The following NELL1 variants were observed in gnomAD, a reference collection of about 807,000 sequenced individuals.
The protein encoded by NELL1 is protein kinase C-binding protein NELL1.
A neutral mutation model predicts 107.4 loss-of-function variants in NELL1; 76 were observed. The observed-to-expected ratio is 0.71, with a 90% CI of 0.59 to 0.86. The LOEUF is 0.86. Among genes scored for constraint, NELL1 ranks in the 40% least tolerant of loss-of-function variants. The pLI, the probability that NELL1 is intolerant of heterozygous loss-of-function variation, is 0.00. For synonymous variants in NELL1, 353 were observed against 341.2 expected (o/e 1.03, Z -0.38); for missense variants, 1,024 against 1,005.5 (o/e 1.02, Z -0.25).
chr11:21,032,046 AAATAATAAT>A (rs373787726), intron 12 of NELL1, among the ~76,000 whole-genome samples: 1,770 of 145,504 alleles, frequency 0.012, 24 homozygotes, highest in African/African-American at 0.039. Flanking sequence ...CTCCATGTCA[AAATAATAAT>A]AATAATAATA....
chr11:21,399,737 T>C (rs1852056739), intron 15 of NELL1, among the ~76,000 whole-genome samples: 1 of 151,780 alleles, frequency 6.6e-6, no homozygotes, highest in Admixed American at 6.6e-5. Flanking sequence ...TTAAGCAATC[T>C]AGCTGCAGAG....
In NELL1 at chr11:20,815,520, G is replaced by A. The variant is rs118130310; in HGVS notation, c.335+31690G>A. Among the ~76,000 whole-genome samples the A allele has an allele frequency of 4.1e-3, 618 of 152,240 alleles. 2 individuals carry two copies. Among genetic ancestry groups the A allele is most frequent in the Non-Finnish European group, 5.3e-3 (360 of 67,998 alleles). On this transcript the variant is annotated intron_variant, in intron 3 of 19. Coordinates refer to ENST00000357134, the MANE Select transcript of NELL1 (RefSeq NM_006157.5). ...TCTTAAATGGGGTTGTTTTTGGCTT[G>A]TTGATTTAAGTCCCTTGTAGATTGT...
chr11:21,340,631 A>T (rs1850542497), intron 14 of NELL1, among the ~76,000 whole-genome samples: 1 of 141,968 alleles, frequency 7.0e-6, no homozygotes, highest in African/African-American at 2.7e-5. Flanking sequence ...ACACACACAC[A>T]CACACACACA....
chr11:20,895,238 C>T (rs1197122984), intron 5 of NELL1, among the ~76,000 whole-genome samples: 1 of 103,880 alleles, frequency 9.6e-6, no homozygotes, highest in Non-Finnish European at 1.7e-5. Context: ...CGCCACTGCA[C>T]TCCAGCCTGG....
At chr11:21,133,887 C>T (rs1038608640) in intron 13 of NELL1, among the ~76,000 whole-genome samples, 1 of 152,182 alleles carries the variant, frequency 6.6e-6, no homozygotes, top group Admixed American at 6.5e-5. Context: ...GCTCCTACCC[C>T]ACCAACTCAG....
intron 12 of NELL1, among the ~76,000 whole-genome samples, chr11:20,984,765 T>C (rs10741862): frequency 0.32 from 48,011 of 151,850 alleles, 8,700 homozygotes; most frequent in East Asian, 0.51. Flanking sequence ...CCAACATTTA[T>C]GATGATGGGT....
rs752426174 is a variant in NELL1 at position 20,974,370 on chromosome 11, T to C, written c.1300+13810T>C. On this transcript the variant is annotated intron_variant, in intron 12 of 19. Transcript: ENST00000357134. The stretch of plus-strand genomic sequence containing the variant: ...AAATAAACCAAGGCTTGTCACACAC[T>C]ATATGACAGAGTCAGGATTTAATCT... 2.0e-5 allele frequency among the ~76,000 whole-genome samples: 3 copies of C among 152,336 alleles called. No individual in the cohort carries two copies. In the South Asian group the frequency reaches 6.2e-4, roughly 32 times the overall value.
At chr11:21,337,735 C>CTTTCTTT (rs1555006062) in intron 14 of NELL1, among the ~76,000 whole-genome samples, 1 of 105,300 alleles carries the variant, frequency 9.5e-6, no homozygotes, top group African/African-American at 3.7e-5. Flanking sequence ...TTCTTTCTTT[C>CTTTCTTT]CTTTCTTTCT....
chr11:20,832,749 C>A (rs1858039004), intron 3 of NELL1, among the ~76,000 whole-genome samples: 1 of 152,124 alleles, frequency 6.6e-6, no homozygotes, highest in Admixed American at 6.5e-5. Context: ...TTATTGAGTT[C>A]TTATAGCATG....
intron 12 of NELL1, among the ~76,000 whole-genome samples, chr11:21,077,836 T>C (rs983752902): frequency 2.0e-5 from 3 of 151,482 alleles, no homozygotes; most frequent in Non-Finnish European, 4.4e-5. Flanking sequence ...TAATTCAAAA[T>C]TAAGAAGTTG....
At chr11:21,417,674 C>A (rs1389562876) in intron 15 of NELL1, among the ~76,000 whole-genome samples, 1 of 152,026 alleles carries the variant, frequency 6.6e-6, no homozygotes, top group Non-Finnish European at 1.5e-5. Context: ...TAGTGATCTT[C>A]AGCAGTAGAT....
chr11:20,997,347 C>T (rs61012428), intron 12 of NELL1, among the ~76,000 whole-genome samples: 4,301 of 152,220 alleles, frequency 0.028, 166 homozygotes, highest in African/African-American at 0.089. Context: ...CTCAGTGGTT[C>T]GTCTGTATGT....
At chr11:20,730,701 G>A (rs777742591) in intron 2 of NELL1, among the ~76,000 whole-genome samples, 1 of 152,172 alleles carries the variant, frequency 6.6e-6, no homozygotes, top group Non-Finnish European at 1.5e-5. Context: ...GTGCTTCAGG[G>A]TGAAAGCCAG....
chr11:21,110,899 C>T (rs774877680), intron 12 of NELL1, among the ~76,000 whole-genome samples: 5 of 152,264 alleles, frequency 3.3e-5, no homozygotes, highest in South Asian at 2.1e-4. Context: ...CTCCTTCACA[C>T]GGCCTGCAAG....
chr11:21,524,032 T>C (rs986794301), intron 15 of NELL1, among the ~76,000 whole-genome samples: 1 of 152,138 alleles, frequency 6.6e-6, no homozygotes, highest in African/African-American at 2.4e-5. Flanking sequence ...ACTATTCAAC[T>C]CAGTATGTTT....
At chr11:21,486,500 C>CA (rs1351299061) in intron 15 of NELL1, among the ~76,000 whole-genome samples, 1 of 151,800 alleles carries the variant, frequency 6.6e-6, no homozygotes, top group Non-Finnish European at 1.5e-5. Context: ...AAAGCAAGTT[C>CA]AAAAAAATAG....
chr11:21,180,712 C>T (rs1240495566), intron 13 of NELL1, among the ~76,000 whole-genome samples: 1 of 151,602 alleles, frequency 6.6e-6, no homozygotes, highest in East Asian at 1.9e-4. Context: ...GTACTGCCTT[C>T]TTGTTTCTGG....
intron 7 of NELL1, among the ~76,000 whole-genome samples, chr11:20,922,590 A>AT (rs1455550056): frequency 2.6e-5 from 4 of 152,078 alleles, no homozygotes; most frequent in Non-Finnish European, 5.9e-5. Context: ...TTTATTTTTA[A>AT]TTAAATAGGC....
intron 2 of NELL1, among the ~76,000 whole-genome samples, chr11:20,781,874 CAAAAAAAAA>C (rs138345829): frequency 1.3e-5 from 1 of 77,274 alleles, no homozygotes; most frequent in African/African-American, 5.4e-5. Context: ...ACCAAAAATA[CAAAAAAAAA>C]AAAAAAAAAA....
Sources: allele counts gnomAD v4.1 joint callset (sites outside exome capture counted in the v4.1 genomes callset), GRCh38; gene constraint gnomAD v4.1.1; transcripts MANE v1.5; gene names NCBI Gene and HGNC (gene_info 2026-07-23, HGNC 2026-07-21).